GRM7: variants seen among roughly 807,000 people sequenced by gnomAD.
GRM7 encodes the protein metabotropic glutamate receptor 7.
A neutral mutation model predicts 84.5 loss-of-function variants in GRM7; 35 were observed. The ratio of observed to expected loss-of-function variants is 0.41; its 90% CI spans 0.32 to 0.55. The LOEUF (loss-of-function observed/expected upper bound fraction) is 0.55. Among genes scored for constraint, GRM7 ranks in the 20% least tolerant of loss-of-function variants. The probability of loss-of-function intolerance (pLI) is 0.19; values close to 1 mark genes in which losing one functional copy is unlikely to be tolerated. For missense variants in GRM7, 1,003 were observed against 1,194.6 expected (o/e 0.84, Z 2.36); for synonymous variants, 487 against 455.1 (o/e 1.07, Z -0.89).
intron 1 of GRM7, among the ~76,000 whole-genome samples, chr3:7,144,232 G>C (rs758920183): frequency 1.3e-5 from 2 of 152,060 alleles, no homozygotes; most frequent in Non-Finnish European, 2.9e-5. Flanking sequence ...ATAGCTTTGT[G>C]ACCTGAGGCA....
chr3:7,038,724 A>G lies in GRM7; in HGVS notation c.520-107728A>G, dbSNP rs368881481. 5.3e-5 allele frequency among the ~76,000 whole-genome samples: 8 copies of G among 152,336 alleles called. No homozygotes were observed. In the East Asian group the frequency reaches 9.6e-4, roughly 18 times the overall value. On this transcript the variant is annotated intron_variant, in intron 1 of 9. Transcript: ENST00000357716. ...ATGGTTCTAATGCTGTGAACAGTAA[A>G]AAGAGGTTGATACAATTATCATTTT...
At chr3:7,648,394 C>T (rs1231019724) in intron 8 of GRM7, among the ~76,000 whole-genome samples, 1 of 151,974 alleles carries the variant, frequency 6.6e-6, no homozygotes, top group Non-Finnish European at 1.5e-5. Flanking sequence ...CATCTGTAAT[C>T]CTAGCACTTT....
At chr3:7,573,949 C>G (rs1362885596) in intron 7 of GRM7, among the ~76,000 whole-genome samples, 1 of 152,092 alleles carries the variant, frequency 6.6e-6, no homozygotes, top group Non-Finnish European at 1.5e-5. Context: ...AGTAGATGGC[C>G]ATGGAGAATT....
At chr3:7,335,374 C>T (rs1218448321) in intron 4 of GRM7, among the ~76,000 whole-genome samples, 4 of 151,948 alleles carry the variant, frequency 2.6e-5, no homozygotes, top group Non-Finnish European at 5.9e-5. Flanking sequence ...ATAATAGTGA[C>T]ACAACCTATC....
At chr3:7,585,512 A>G (rs1351664775) in intron 8 of GRM7, among the ~76,000 whole-genome samples, 1 of 152,236 alleles carries the variant, frequency 6.6e-6, no homozygotes, top group East Asian at 1.9e-4. Flanking sequence ...GCTAAAACTA[A>G]TAAGGGAATA....
intron 2 of GRM7, among the ~76,000 whole-genome samples, chr3:7,254,171 G>T (rs1297910201): frequency 6.6e-6 from 1 of 152,184 alleles, no homozygotes; most frequent in East Asian, 1.9e-4. Context: ...TGGGTTTGCA[G>T]CCTGTCCATT....
At chr3:7,156,324 C>T (rs1297192805) in intron 2 of GRM7, among the ~76,000 whole-genome samples, 1 of 152,168 alleles carries the variant, frequency 6.6e-6, no homozygotes, top group Non-Finnish European at 1.5e-5. Flanking sequence ...CTGGAATATT[C>T]CCTTAATGTT....
intron 1 of GRM7, among the ~76,000 whole-genome samples, chr3:6,997,769 C>T (rs1434371652): frequency 6.6e-6 from 1 of 152,070 alleles, no homozygotes; most frequent in Non-Finnish European, 1.5e-5. Flanking sequence ...AGCATTCGTC[C>T]AAAAGTTCAA....
At chr3:7,018,876 C>T (rs1369148672) in intron 1 of GRM7, among the ~76,000 whole-genome samples, 2 of 152,180 alleles carry the variant, frequency 1.3e-5, no homozygotes, top group Non-Finnish European at 2.9e-5. Flanking sequence ...GCAGGTGGAT[C>T]ATTTGAGGTT....
chr3:7,343,362 T>C (rs1372701194), intron 4 of GRM7, among the ~76,000 whole-genome samples: 1 of 151,970 alleles, frequency 6.6e-6, no homozygotes, highest in Non-Finnish European at 1.5e-5. Context: ...GCCTCCTGAG[T>C]AGCTGGGACT....
chr3:6,973,862 G>A (rs1477674981), intron 1 of GRM7, among the ~76,000 whole-genome samples: 3 of 152,174 alleles, frequency 2.0e-5, no homozygotes, highest in Non-Finnish European at 4.4e-5. Flanking sequence ...GTAAGGACTT[G>A]AGTTTTGTTT....
intron 2 of GRM7, among the ~76,000 whole-genome samples, chr3:7,215,545 G>T (rs1313037175): frequency 6.6e-6 from 1 of 151,808 alleles, no homozygotes; most frequent in Non-Finnish European, 1.5e-5. Context: ...GGCGCCTGTA[G>T]TCCCAGCTAC....
At position 7,660,105 on chromosome 3, in the gene GRM7, T is replaced by C. The variant is rs376577468; in HGVS notation, c.2452-19944T>C. Among the ~76,000 whole-genome samples the C allele has an allele frequency of 3.3e-5, 5 of 152,382 alleles. No individual in the cohort carries two copies. The East Asian group carries it at 9.6e-4, about 29-fold the overall frequency. On this transcript the variant is annotated intron_variant, in intron 8 of 9. Transcript: ENST00000357716. ...AAGTATTAAATAAAACCTTATGGTT[T>C]AACTTTTCAAAATATATTTTGTCTG...
chr3:6,950,691 T>C (rs762543212), intron 1 of GRM7, among the ~76,000 whole-genome samples: 9 of 152,208 alleles, frequency 5.9e-5, no homozygotes, highest in Non-Finnish European at 1.3e-4. Context: ...CCTTGAGCTG[T>C]GGTGGGCTCC....
chr3:6,992,593 AT>A (rs1694682164), intron 1 of GRM7, among the ~76,000 whole-genome samples: 1 of 152,328 alleles, frequency 6.6e-6, no homozygotes, highest in African/African-American at 2.4e-5. Context: ...GAGACTAGCA[AT>A]TAAAGAAAGC....
chr3:7,533,252 C>T (rs917320771), intron 7 of GRM7, among the ~76,000 whole-genome samples: 2 of 152,116 alleles, frequency 1.3e-5, no homozygotes, highest in African/African-American at 4.8e-5. Context: ...AGAAGTGAAA[C>T]ATTCCTCAGC....
intron 9 of GRM7, chr3:7,693,747 A>G (rs1700905586): frequency 1.0e-6 from 1 of 990,686 alleles, no homozygotes; most frequent in Non-Finnish European, 1.5e-6. Context: ...CAGCCCACCA[A>G]TGAACTTAAT....
At chr3:7,311,745 C>G (rs757989151) in intron 4 of GRM7, among the ~76,000 whole-genome samples, 33 of 152,092 alleles carry the variant, frequency 2.2e-4, no homozygotes, top group Middle Eastern at 3.2e-3. Context: ...CAGGCATGTG[C>G]TACCACACCT....
chr3:6,967,518 C>T (rs579837), intron 1 of GRM7, among the ~76,000 whole-genome samples: 8,402 of 152,214 alleles, frequency 0.055, 312 homozygotes, highest in Middle Eastern at 0.13. Context: ...TTACCCTAAT[C>T]GGCTCTGTTG....
Sources: allele counts gnomAD v4.1 joint callset (sites outside exome capture counted in the v4.1 genomes callset), GRCh38; gene constraint gnomAD v4.1.1; transcripts MANE v1.5; gene names NCBI Gene and HGNC (gene_info 2026-07-23, HGNC 2026-07-21).